Variants in ERC1 observed in about 807,000 individuals in gnomAD.
The protein encoded by ERC1 is ELKS/RAB6-interacting/CAST family member 1.
A neutral mutation model predicts 132.0 loss-of-function variants in ERC1; 56 were observed. The ratio of observed to expected loss-of-function variants is 0.42; its 90% confidence interval spans 0.34 to 0.53. ERC1 has a LOEUF of 0.53. Among genes scored for constraint, ERC1 ranks in the 20% least tolerant of loss-of-function variants. ERC1 has a pLI of 0.03. For missense variants in ERC1, 1,202 were observed against 1,349.9 expected (o/e 0.89, Z 1.72); for synonymous variants, 478 against 476.1 (o/e 1.00, Z -0.05).
At chr12:1,459,464 GTGAA>G (rs111639776) in intron 18 of ERC1, among the ~76,000 whole-genome samples, 3,691 of 152,086 alleles carry the variant, frequency 0.024, 137 homozygotes, top group African/African-American at 0.079. Context: ...GTATAAAGAA[GTGAA>G]TGAATGAATG....
At chr12:1,188,963 G>A (rs1260033361) in intron 11 of ERC1, among the ~76,000 whole-genome samples, 1 of 152,156 alleles carries the variant, frequency 6.6e-6, no homozygotes, top group Non-Finnish European at 1.5e-5. Flanking sequence ...TTTAATTATT[G>A]AAACTGTTTT....
chr12:1,461,990 T>C (rs1399332740), intron 18 of ERC1, among the ~76,000 whole-genome samples: 1 of 152,030 alleles, frequency 6.6e-6, no homozygotes, highest in East Asian at 1.9e-4. Flanking sequence ...ATTTTAAAAG[T>C]CAGTAACAAA....
Position 1,491,890 on chromosome 12 carries a change from C to G in ERC1, c.*1660C>G, listed in dbSNP as rs1021471970. Reference sequence around the variant, plus strand: ...TCTAGTTCTTTGACCACCTCTACCACCAGAACCCAGCAGACACTCACATCT... The same window carrying G: ...TCTAGTTCTTTGACCACCTCTACCAGCAGAACCCAGCAGACACTCACATCT... On this transcript the variant is annotated 3_prime_UTR_variant, in exon 19 of 19. Transcript: ENST00000360905. 16 of 232,544 alleles carry G rather than the reference C, an allele frequency of 6.9e-5. No homozygotes were observed. The highest frequency in any genetic ancestry group is 1.2e-4 in the Non-Finnish European group (14 of 117,700). The allele number at this position is 232,544 out of a possible 1,614,324, so 14.4% of individuals were successfully genotyped here.
At chr12:1,215,011 G>A (rs1487804226) in intron 12 of ERC1, among the ~76,000 whole-genome samples, 3 of 152,112 alleles carry the variant, frequency 2.0e-5, no homozygotes, top group Non-Finnish European at 2.9e-5. Context: ...GGGAGACCTT[G>A]AACATATTCT....
At chr12:1,346,806 G>A (rs2084505860) in intron 15 of ERC1, among the ~76,000 whole-genome samples, 1 of 151,290 alleles carries the variant, frequency 6.6e-6, no homozygotes, top group South Asian at 2.1e-4. Flanking sequence ...GCCGGGCGCG[G>A]TGGCGGGCGC....
intron 18 of ERC1, among the ~76,000 whole-genome samples, chr12:1,448,037 GA>G (rs1337683208): frequency 1.3e-5 from 2 of 151,080 alleles, no homozygotes; most frequent in African/African-American, 2.4e-5. Flanking sequence ...TTACCAAGGG[GA>G]AAAAAAAATC....
intron 15 of ERC1, among the ~76,000 whole-genome samples, chr12:1,318,797 G>A (rs2081934815): frequency 6.6e-6 from 1 of 151,968 alleles, no homozygotes; most frequent in South Asian, 2.1e-4. Context: ...TTGAAAGGCT[G>A]TTGGCACTGA....
At chr12:1,313,618 A>G (rs1372723902) in intron 15 of ERC1, among the ~76,000 whole-genome samples, 1 of 152,180 alleles carries the variant, frequency 6.6e-6, no homozygotes, top group Non-Finnish European at 1.5e-5. Context: ...AAAAAAATAC[A>G]TGTAAAGACC....
intron 2 of ERC1, among the ~76,000 whole-genome samples, chr12:1,047,821 C>T (rs557021541): frequency 1.3e-5 from 2 of 152,042 alleles, no homozygotes; most frequent in South Asian, 4.2e-4. Context: ...GGTTTAAGAC[C>T]ACAGAGAAGA....
intron 15 of ERC1, among the ~76,000 whole-genome samples, chr12:1,291,850 G>C (rs1171898529): frequency 4.6e-5 from 7 of 152,172 alleles, no homozygotes; most frequent in Admixed American, 4.6e-4. Flanking sequence ...GGAAACATTT[G>C]CGTTGGTTAT....
intron 4 of ERC1, among the ~76,000 whole-genome samples, chr12:1,108,228 A>G (rs1254985069): frequency 1.3e-5 from 2 of 152,130 alleles, no homozygotes; most frequent in Admixed American, 6.6e-5. Flanking sequence ...TTTATGGCTC[A>G]TGATTTGGTA....
chr12:1,139,776 CA>C (rs1192927887), intron 7 of ERC1, among the ~76,000 whole-genome samples: 1 of 146,038 alleles, frequency 6.8e-6, no homozygotes, highest in Non-Finnish European at 1.5e-5. Context: ...CAAAACAAAA[CA>C]AAAACCAGAA....
rs561202086 is a variant in ERC1, at chr12:1,492,785, T to A, written c.*2555T>A. On this transcript the variant is annotated 3_prime_UTR_variant, in exon 19 of 19. Transcript: ENST00000360905. ...TGCTGTAGGGCAGAGTGGATGCAGT[T>A]TGTAGCTTTCAGAGTGTCTCATTGA... 4.7e-5 allele frequency: 11 copies of A among 232,192 alleles called. No individual in the cohort carries two copies. Among genetic ancestry groups the A allele is most frequent in the African/African-American group, 2.2e-4 (10 of 45,380 alleles). The allele number at this position is 232,192 out of a possible 1,614,324, so 14.4% of individuals were successfully genotyped here.
intron 8 of ERC1, among the ~76,000 whole-genome samples, chr12:1,161,936 T>C (rs1030381441): frequency 1.3e-5 from 2 of 152,166 alleles, no homozygotes; most frequent in Non-Finnish European, 2.9e-5. Flanking sequence ...TGAGAAACTA[T>C]GTTATTTTGG....
At chr12:1,270,049 A>G (rs1187476807) in intron 14 of ERC1, among the ~76,000 whole-genome samples, 1 of 152,202 alleles carries the variant, frequency 6.6e-6, no homozygotes, top group African/African-American at 2.4e-5. Context: ...ATGACACGTT[A>G]CTATCTGGTT....
At chr12:1,053,921 C>T (rs1972480110) in intron 2 of ERC1, among the ~76,000 whole-genome samples, 1 of 152,174 alleles carries the variant, frequency 6.6e-6, no homozygotes, top group South Asian at 2.1e-4. Context: ...TCTGTTTTGT[C>T]TTGCAGATGA....
chr12:1,374,130 T>C (rs11061721), intron 16 of ERC1, among the ~76,000 whole-genome samples: 63,590 of 152,082 alleles, frequency 0.42, 14,894 homozygotes, highest in African/African-American at 0.63. Flanking sequence ...GGATATGGCA[T>C]CAATGTTGTT....
intron 8 of ERC1, among the ~76,000 whole-genome samples, chr12:1,179,491 T>C (rs935298088): frequency 6.8e-6 from 1 of 147,482 alleles, no homozygotes; most frequent in Non-Finnish European, 1.5e-5. Context: ...AATGAGTCTA[T>C]TCATTTTTCT....
chr12:1,266,652 G>A (rs535682066), intron 14 of ERC1, among the ~76,000 whole-genome samples: 1 of 151,984 alleles, frequency 6.6e-6, no homozygotes, highest in Admixed American at 6.6e-5. Flanking sequence ...TGATCCGCCC[G>A]CCTCGGCCTC....
Sources: gnomAD v4.1 joint callset for allele counts (sites outside exome capture counted in the v4.1 genomes callset) on GRCh38, gnomAD v4.1.1 for gene constraint, MANE v1.5 for transcripts, NCBI Gene and HGNC (gene_info 2026-07-23, HGNC 2026-07-21) for gene names.